ABCC8: variants seen among roughly 807,000 people sequenced by gnomAD.
ABCC8 encodes the protein ATP binding cassette subfamily C member 8, also known as ATP-binding cassette sub-family C member 8.
Under a neutral mutation model 188.0 loss-of-function variants are expected in ABCC8, and 137 were observed. The ratio of observed to expected loss-of-function variants is 0.73; its 90% confidence interval spans 0.63 to 0.84. The LOEUF is 0.84. ABCC8 is among the 40% of genes least tolerant of loss of function. The pLI is 0.00. For synonymous variants in ABCC8, 797 were observed against 846.5 expected (o/e 0.94, Z 1.01); for missense variants, 1,750 against 2,072.7 (o/e 0.84, Z 3.02).
At chr11:17,466,781 T>G (rs898704273) in intron 3 of ABCC8, among the ~76,000 whole-genome samples, 6 of 151,490 alleles carry the variant, frequency 4.0e-5, no homozygotes, top group Admixed American at 3.3e-4. Context: ...TACTCCCACC[T>G]CAGCCTCCCA....
chr11:17,474,954 C>T lies in ABCC8; in HGVS notation c.222G>A (p.Arg74=), dbSNP rs745544561. The T allele has an allele frequency of 1.9e-6, 3 of 1,614,192 alleles. No individual in the cohort carries two copies. The highest frequency in any genetic ancestry group is 1.1e-5 in the South Asian group (1 of 91,080). Residue 74 remains arginine (R), a synonymous_variant, in exon 2 of 39, where the codon CGG becomes CGA. Transcript: ENST00000389817. Reference sequence around the variant, plus strand: ...AGAGCAGCATGAAGGTCAGGATCCACCGCAGGTTGTGCCCAGGGAAATGAA... The same window carrying T: ...AGAGCAGCATGAAGGTCAGGATCCATCGCAGGTTGTGCCCAGGGAAATGAA... ...TWLHFPGHNL[R]WILTFMLLFV...
At chr11:17,475,131 T>A in intron 1 of ABCC8, 104 bp from the exon 2 acceptor site, 1 of 1,521,330 alleles carries the variant, frequency 6.6e-7, no homozygotes, top group South Asian at 1.2e-5. Context: ...ATGGTGAGGG[T>A]GACACCTACA....
At chr11:17,450,185 C>T (rs960442936) in intron 7 of ABCC8, among the ~76,000 whole-genome samples, 7 of 152,042 alleles carry the variant, frequency 4.6e-5, no homozygotes, top group South Asian at 4.1e-4. Flanking sequence ...GTACATTTTC[C>T]GGAAATCTCC....
chr11:17,410,291 C>T, intron 22 of ABCC8: 1 of 545,504 alleles, frequency 1.8e-6, no homozygotes, highest in East Asian at 3.0e-5. Context: ...CATGGGGGGC[C>T]CGGGCCAGGA....
At chr11:17,425,203 C>A (rs2133523249) in intron 16 of ABCC8, among the ~76,000 whole-genome samples, 1 of 152,272 alleles carries the variant, frequency 6.6e-6, no homozygotes, top group East Asian at 1.9e-4. Flanking sequence ...AGGCAAAGAC[C>A]CCTCTGCCCC....
chr11:17,396,739 A>G, intron 33 of ABCC8, 177 bp downstream of exon 33: 6 of 763,472 alleles, frequency 7.9e-6, no homozygotes, highest in Non-Finnish European at 1.3e-5. Flanking sequence ...GGAAGGCAAT[A>G]GAAGGAGAGG....
intron 10 of ABCC8, among the ~76,000 whole-genome samples, chr11:17,433,398 G>A (rs924535398): frequency 6.6e-6 from 1 of 152,254 alleles, no homozygotes; most frequent in Admixed American, 6.5e-5. Context: ...GAATGGCAAA[G>A]TCTTGGACAC....
In ABCC8 at chr11:17,447,506, G is replaced by GCC. The variant is rs1372913999; in HGVS notation, c.1332+1008_1332+1009dup. Reference sequence around the variant, plus strand: ...AGGGGCGTGATCATTGCTCACTGCAGCCTTGAACTCCTGGGGTCAAGCAAT... The same window carrying GCC: ...AGGGGCGTGATCATTGCTCACTGCAGCCCCTTGAACTCCTGGGGTCAAGCAAT... On this transcript the variant is annotated intron_variant, in intron 8 of 38. Coordinates refer to ENST00000389817, the MANE Select transcript of ABCC8 (RefSeq NM_000352.6). Among the ~76,000 whole-genome samples the GCC allele has an allele frequency of 7.2e-5, 11 of 152,224 alleles. No individual in the cohort carries two copies. In the South Asian group the frequency reaches 1.9e-3, roughly 26 times the overall value.
intron 2 of ABCC8, among the ~76,000 whole-genome samples, chr11:17,473,463 G>A (rs987473129): frequency 6.6e-6 from 1 of 152,064 alleles, no homozygotes; most frequent in African/African-American, 2.4e-5. Context: ...GGAGGATGAG[G>A]GAGCCTATCC....
intron 37 of ABCC8, 76 bp from the exon 38 acceptor site, chr11:17,393,835 C>T (rs1953760657): frequency 6.2e-7 from 1 of 1,613,620 alleles, no homozygotes; most frequent in Non-Finnish European, 8.5e-7. Flanking sequence ...GGATGTGGAG[C>T]CCAGGTCTGT....
At chr11:17,426,259 G>A (rs998944412) in intron 16 of ABCC8, among the ~76,000 whole-genome samples, 3 of 152,246 alleles carry the variant, frequency 2.0e-5, no homozygotes, top group East Asian at 1.9e-4. Context: ...AGGAATCACC[G>A]CACTGTCTTC....
intron 30 of ABCC8, 37 bp downstream of exon 30, chr11:17,398,301 TC>T: frequency 6.2e-7 from 1 of 1,612,484 alleles, no homozygotes; most frequent in Non-Finnish European, 8.5e-7. Context: ...GGCCCCACCC[TC>T]CTATCAGAGG....
Position 17,407,441 on chromosome 11 carries a change from C to G in ABCC8, c.2833G>C (p.Glu945Gln), listed in dbSNP as rs1954598811. 2.5e-6 allele frequency: 4 copies of G among 1,614,178 alleles called. No individual in the cohort carries two copies. Among genetic ancestry groups the G allele is most frequent in the South Asian group, 1.1e-5 (1 of 91,070 alleles). Residue 945 changes from glutamate (E) to glutamine (Q), a missense_variant, in exon 24 of 39, where the codon GAG becomes CAG. Physicochemically the swap from Glu to Gln is conservative, Grantham distance 29. Transcript: ENST00000389817. Reference sequence around the variant, plus strand: ...TGGGGTGGCTCTGTGGCTTTTCTCTCTGTGACAGTCTCCTAAAAGACAGAT... The same window carrying G: ...TGGGGTGGCTCTGTGGCTTTTCTCTGTGTGACAGTCTCCTAAAAGACAGAT... ...DQELEKETVT[E>Q]RKATEPPQGL... is the part of the protein sequence containing the mutation.
chr11:17,451,507 C>T (rs1223363638), intron 7 of ABCC8, among the ~76,000 whole-genome samples: 2 of 152,244 alleles, frequency 1.3e-5, no homozygotes, highest in Non-Finnish European at 2.9e-5. Flanking sequence ...ACAGACTATT[C>T]CAAGATAGCC....
intron 3 of ABCC8, among the ~76,000 whole-genome samples, chr11:17,466,025 TA>T (rs1848123784): frequency 6.6e-6 from 1 of 152,082 alleles, no homozygotes; most frequent in Non-Finnish European, 1.5e-5. Flanking sequence ...ATATTAGCCT[TA>T]AAAAGGAAGG....
intron 16 of ABCC8, among the ~76,000 whole-genome samples, chr11:17,419,135 A>C (rs997234298): frequency 2.1e-4 from 32 of 152,174 alleles, no homozygotes; most frequent in African/African-American, 6.0e-4. Flanking sequence ...GAGCCTCCCC[A>C]AACTTTGTAT....
intron 10 of ABCC8, among the ~76,000 whole-genome samples, chr11:17,440,243 T>TC (rs1956262005): frequency 6.6e-6 from 1 of 151,910 alleles, no homozygotes. Flanking sequence ...GGAGAGGAAG[T>TC]CCCCCGGCTA....
chr11:17,435,822 G>T, intron 10 of ABCC8: 1 of 1,260,356 alleles, frequency 7.9e-7, no homozygotes, highest in Non-Finnish European at 1.2e-6. Flanking sequence ...GAGGGAAGAT[G>T]AGTGCAAACT....
At chr11:17,445,040 C>T (rs190367925) in intron 8 of ABCC8, among the ~76,000 whole-genome samples, 4 of 152,298 alleles carry the variant, frequency 2.6e-5, no homozygotes, top group East Asian at 1.9e-4. Context: ...ACTGGGGAAC[C>T]GCAGAAAGGA....
Sources: allele counts gnomAD v4.1 joint callset (sites outside exome capture counted in the v4.1 genomes callset), GRCh38; gene constraint gnomAD v4.1.1; transcripts MANE v1.5; gene names NCBI Gene and HGNC (gene_info 2026-07-23, HGNC 2026-07-21).